Variants in GPM6A observed in about 807,000 individuals in gnomAD.
GPM6A encodes glycoprotein M6A.
Under a neutral mutation model 32.1 loss-of-function variants are expected in GPM6A, and 7 were observed. The observed-to-expected ratio is 0.22, with a 90% CI of 0.12 to 0.41. The LOEUF is 0.41. GPM6A is among the 10% of genes least tolerant of loss of function. GPM6A has a pLI of 1.00. For missense variants in GPM6A, 235 were observed against 347.2 expected (o/e 0.68, Z 2.57); for synonymous variants, 130 against 123.4 (o/e 1.05, Z -0.35).
intron 1 of GPM6A, among the ~76,000 whole-genome samples, chr4:175,799,818 G>A (rs543309006): frequency 2.6e-5 from 4 of 151,044 alleles, no homozygotes; most frequent in South Asian, 2.1e-4. Context: ...GGGACTACAG[G>A]CGCCCGCCAC....
At chr4:175,923,579 G>A (rs1335965053) in intron 1 of GPM6A, among the ~76,000 whole-genome samples, 1 of 151,654 alleles carries the variant, frequency 6.6e-6, no homozygotes, top group Non-Finnish European at 1.5e-5. Flanking sequence ...TTTAAGACAA[G>A]ATCGGGCTCT....
At chr4:175,867,087 C>G (rs551065327) in intron 1 of GPM6A, among the ~76,000 whole-genome samples, 1 of 152,228 alleles carries the variant, frequency 6.6e-6, no homozygotes, top group South Asian at 2.1e-4. Flanking sequence ...CTTTGGCCTA[C>G]TTTTTAACGG....
chr4:175,992,650 A>G (rs1741187755), intron 1 of GPM6A, among the ~76,000 whole-genome samples: 1 of 152,198 alleles, frequency 6.6e-6, no homozygotes, highest in Non-Finnish European at 1.5e-5. Flanking sequence ...TGATTATTTA[A>G]GCACAATATG....
At chr4:175,879,975 GAGTGGTATTGCTTAGGTTTTCTTCT>G (rs1468944401) in intron 1 of GPM6A, among the ~76,000 whole-genome samples, 106 of 152,266 alleles carry the variant, frequency 7.0e-4, no homozygotes, top group African/African-American at 2.5e-3. Context: ...CCTATGTCCT[GAGTGGTATTGCTTAGGTTTTCTTCT>G]AGGGATTTTA....
At position 175,633,071 on chromosome 4, in the gene GPM6A, A is replaced by G. The variant is rs17061725; in HGVS notation, c.*1834T>C. 0.042 allele frequency: 6,451 copies of G among 152,530 alleles called. 179 individuals carry two copies. Among genetic ancestry groups the G allele is most frequent in the Admixed American group, 0.074 (1,124 of 15,276 alleles). The allele number at this position is 152,530 out of a possible 1,614,324, so 9.4% of individuals were successfully genotyped here. A position where few individuals can be genotyped will look rare whatever the true frequency, so the allele number is the denominator to read the frequency against. Reference sequence around the variant, plus strand: ...CAGATTAATTGTAATGCCTGCTACAAAGCACTCTGTGAAAATACAAACTCT... The same window carrying G: ...CAGATTAATTGTAATGCCTGCTACAGAGCACTCTGTGAAAATACAAACTCT... On this transcript the variant is annotated 3_prime_UTR_variant, in exon 7 of 7. Coordinates refer to ENST00000393658, the MANE Select transcript of GPM6A (RefSeq NM_201591.3).
chr4:175,992,564 C>T (rs541688095), intron 1 of GPM6A, among the ~76,000 whole-genome samples: 1 of 152,130 alleles, frequency 6.6e-6, no homozygotes, highest in Non-Finnish European at 1.5e-5. Flanking sequence ...TGAAATCTTA[C>T]AGGACCAAGG....
rs189307522 is a variant in GPM6A at position 175,740,925 on chromosome 4, G to A, written c.38-39158C>T. 1.1e-3 allele frequency among the ~76,000 whole-genome samples: 167 copies of A among 152,014 alleles called. 2 individuals carry two copies. Among genetic ancestry groups the A allele is most frequent in the African/African-American group, 3.8e-3 (157 of 41,516 alleles). The stretch of plus-strand genomic sequence containing the variant: ...TGGGTAGATCAGTGCATAAAGATCC[G>A]GCTGCTAACTTTATCCTAGTTCTGG... On this transcript the variant is annotated intron_variant, in intron 1 of 6. Coordinates refer to ENST00000393658, the MANE Select transcript of GPM6A (RefSeq NM_201591.3).
intron 1 of GPM6A, among the ~76,000 whole-genome samples, chr4:175,716,885 A>G (rs565975391): frequency 1.3e-5 from 2 of 152,348 alleles, no homozygotes; most frequent in East Asian, 3.9e-4. Context: ...TATTGCTCCA[A>G]AATAATGCAA....
chr4:175,711,542 T>C (rs1745547138), intron 1 of GPM6A, among the ~76,000 whole-genome samples: 1 of 147,246 alleles, frequency 6.8e-6, no homozygotes, highest in Non-Finnish European at 1.5e-5. Context: ...TATATATTTA[T>C]ATATTTATTT....
intron 1 of GPM6A, among the ~76,000 whole-genome samples, chr4:175,724,347 C>A (rs945485589): frequency 1.3e-5 from 2 of 152,178 alleles, no homozygotes; most frequent in Non-Finnish European, 2.9e-5. Context: ...GAGTTCAAGA[C>A]CAGCCTGGCC....
chr4:175,994,817 A>C (rs1741254416), intron 1 of GPM6A, among the ~76,000 whole-genome samples: 1 of 152,176 alleles, frequency 6.6e-6, no homozygotes, highest in South Asian at 2.1e-4. Flanking sequence ...GTTGGTTAGC[A>C]TTTTACTCAT....
chr4:175,846,775 G>A (rs1435388060), intron 1 of GPM6A, among the ~76,000 whole-genome samples: 1 of 152,024 alleles, frequency 6.6e-6, no homozygotes, highest in Non-Finnish European at 1.5e-5. Flanking sequence ...TTGAGATATA[G>A]AATGTAGCAA....
chr4:175,737,830 A>G (rs2111159255), intron 1 of GPM6A, among the ~76,000 whole-genome samples: 1 of 152,242 alleles, frequency 6.6e-6, no homozygotes, highest in East Asian at 1.9e-4. Flanking sequence ...CAACTCTTGT[A>G]TGAACTAATA....
chr4:175,970,962 G>T, intron 1 of GPM6A: 1 of 451,624 alleles, frequency 2.2e-6, no homozygotes, highest in Non-Finnish European at 4.4e-6. Context: ...GCCAGAGCCT[G>T]TGCTTGAGCA....
chr4:175,911,853 G>A (rs1233322657), intron 1 of GPM6A, among the ~76,000 whole-genome samples: 1 of 152,164 alleles, frequency 6.6e-6, no homozygotes, highest in African/African-American at 2.4e-5. Flanking sequence ...CCCCTTTCAA[G>A]TTTAGATGTC....
intron 1 of GPM6A, among the ~76,000 whole-genome samples, chr4:175,986,283 C>G (rs2126451954): frequency 6.6e-6 from 1 of 152,216 alleles, no homozygotes; most frequent in African/African-American, 2.4e-5. Context: ...GCTTGTAATT[C>G]CAGCACTGTG....
rs556810604 is a variant in GPM6A at position 175,818,614 on chromosome 4, C to A, written c.-22-6365G>T. On this transcript the variant is annotated intron_variant, in intron 1 of 7. Transcript: ENST00000280187. Reference sequence around the variant, plus strand: ...AATGCATGCATGCATGCATGAATGACTGAATAAACGAATAATGATGTACAA... The same window carrying A: ...AATGCATGCATGCATGCATGAATGAATGAATAAACGAATAATGATGTACAA... Among the ~76,000 whole-genome samples the A allele has an allele frequency of 2.9e-3, 439 of 152,282 alleles. 1 individual carries two copies. Among genetic ancestry groups the A allele is most frequent in the African/African-American group, 1.0e-2 (415 of 41,554 alleles).
intron 1 of GPM6A, among the ~76,000 whole-genome samples, chr4:175,976,712 G>A (rs1740674934): frequency 6.6e-6 from 1 of 152,126 alleles, no homozygotes; most frequent in Non-Finnish European, 1.5e-5. Context: ...GCCAGGCCCT[G>A]CCTTGTGTCA....
chr4:175,975,036 T>C (rs1740619064), intron 1 of GPM6A, among the ~76,000 whole-genome samples: 1 of 152,064 alleles, frequency 6.6e-6, no homozygotes, highest in Non-Finnish European at 1.5e-5. Flanking sequence ...CATAATCTCC[T>C]ACCTCTCCAC....
Sources: allele counts gnomAD v4.1 joint callset (sites outside exome capture counted in the v4.1 genomes callset), GRCh38; gene constraint gnomAD v4.1.1; transcripts MANE v1.5; gene names NCBI Gene and HGNC (gene_info 2026-07-23, HGNC 2026-07-21).